Variants in EFNA5 observed in about 807,000 individuals in gnomAD.
EFNA5 encodes ephrin-A5.
In EFNA5, 5 loss-of-function variants were observed where a neutral mutation model predicts 22.9. The ratio of observed to expected loss-of-function variants is 0.22; its 90% CI spans 0.11 to 0.46. EFNA5 has a LOEUF of 0.46. Ranked by LOEUF, EFNA5 falls within the 20% of genes least tolerant of loss-of-function variation. EFNA5 has a pLI of 0.99. For synonymous variants in EFNA5, 113 were observed against 112.2 expected, an observed-to-expected ratio of 1.01 and a Z score of -0.04; for missense variants, 237 against 293.3, an observed-to-expected ratio of 0.81 and a Z score of 1.40.
At chr5:107,659,807 T>A (rs1750908561) in intron 1 of EFNA5, among the ~76,000 whole-genome samples, 1 of 152,092 alleles carries the variant, frequency 6.6e-6, no homozygotes, top group Non-Finnish European at 1.5e-5. Context: ...ATATTGCTGG[T>A]TCTCTCAGTT....
At chr5:107,432,041 G>A (rs1192430839) in intron 1 of EFNA5, among the ~76,000 whole-genome samples, 2 of 152,152 alleles carry the variant, frequency 1.3e-5, no homozygotes, top group African/African-American at 4.8e-5. Context: ...CCTCTTAAGA[G>A]TTGGGTTACC....
At chr5:107,658,304 C>G (rs1440019136) in intron 1 of EFNA5, among the ~76,000 whole-genome samples, 1 of 152,080 alleles carries the variant, frequency 6.6e-6, no homozygotes, top group Non-Finnish European at 1.5e-5. Context: ...GGAGGGTTTG[C>G]TTAATATCTT....
At chr5:107,669,977 A>G (rs1395733073) in intron 1 of EFNA5, among the ~76,000 whole-genome samples, 2 of 146,882 alleles carry the variant, frequency 1.4e-5, no homozygotes, top group Non-Finnish European at 3.0e-5. Context: ...CACTTCCCCC[A>G]GCCCGTGCGC....
intron 2 of EFNA5, among the ~76,000 whole-genome samples, chr5:107,412,919 G>A (rs1748407693): frequency 6.6e-6 from 1 of 152,164 alleles, no homozygotes; most frequent in Non-Finnish European, 1.5e-5. Context: ...CAAACTAGTT[G>A]ATGATAGAAA....
chr5:107,645,470 C>A (rs1217996600), intron 1 of EFNA5, among the ~76,000 whole-genome samples: 1 of 152,156 alleles, frequency 6.6e-6, no homozygotes, highest in Non-Finnish European at 1.5e-5. Context: ...TCTAGCAAAT[C>A]TTGGTATGTA....
intron 1 of EFNA5, among the ~76,000 whole-genome samples, chr5:107,440,671 G>A (rs1014765306): frequency 1.1e-4 from 16 of 152,154 alleles, no homozygotes; most frequent in African/African-American, 3.4e-4. Flanking sequence ...GTTTCACGAC[G>A]TACACATTAA....
intron 1 of EFNA5, among the ~76,000 whole-genome samples, chr5:107,519,009 G>A (rs887015781): frequency 6.6e-6 from 1 of 152,108 alleles, no homozygotes; most frequent in Non-Finnish European, 1.5e-5. Flanking sequence ...TGAGATGTGT[G>A]GTTACAGAGA....
At chr5:107,605,605 C>T (rs1749696397) in intron 1 of EFNA5, among the ~76,000 whole-genome samples, 1 of 150,998 alleles carries the variant, frequency 6.6e-6, no homozygotes, top group Non-Finnish European at 1.5e-5. Context: ...AAACTCTCAA[C>T]CCAAAATTTC....
intron 1 of EFNA5, among the ~76,000 whole-genome samples, chr5:107,612,452 A>G (rs1025677208): frequency 2.0e-5 from 3 of 152,168 alleles, no homozygotes; most frequent in Non-Finnish European, 4.4e-5. Context: ...CAATAGCCCA[A>G]GCAAGCAAAA....
At chr5:107,588,119 T>C (rs17160225) in intron 1 of EFNA5, among the ~76,000 whole-genome samples, 2,179 of 152,292 alleles carry the variant, frequency 0.014, 49 homozygotes, top group African/African-American at 0.051. Context: ...TACAAAAATA[T>C]GGGTTGGCAA....
chr5:107,561,496 G>C (rs989692529), intron 1 of EFNA5, among the ~76,000 whole-genome samples: 2 of 152,096 alleles, frequency 1.3e-5, no homozygotes, highest in Non-Finnish European at 2.9e-5. Flanking sequence ...AGCCTCCTGA[G>C]TAGCTGGGAT....
At chr5:107,391,733 T>C (rs1747800146) in intron 2 of EFNA5, among the ~76,000 whole-genome samples, 1 of 152,192 alleles carries the variant, frequency 6.6e-6, no homozygotes, top group Non-Finnish European at 1.5e-5. Context: ...TCCCATTCCA[T>C]TATCTTAATA....
At chr5:107,541,320 A>G (rs697623) in intron 1 of EFNA5, among the ~76,000 whole-genome samples, 3,269 of 152,280 alleles carry the variant, frequency 0.021, 57 homozygotes, top group Middle Eastern at 0.041. Flanking sequence ...TTAATTTATC[A>G]GAATGCCAAT....
intron 1 of EFNA5, among the ~76,000 whole-genome samples, chr5:107,516,448 T>C (rs189783808): frequency 2.4e-4 from 37 of 152,308 alleles, no homozygotes; most frequent in African/African-American, 8.9e-4. Flanking sequence ...CTTGTGTCTA[T>C]GTAGTGCCCA....
intron 1 of EFNA5, among the ~76,000 whole-genome samples, chr5:107,623,607 G>C (rs1399993744): frequency 2.0e-5 from 3 of 151,860 alleles, no homozygotes; most frequent in African/African-American, 4.8e-5. Context: ...GCATGAATAG[G>C]TGGGCAGGCT....
intron 2 of EFNA5, among the ~76,000 whole-genome samples, chr5:107,411,590 C>T (rs1192658900): frequency 6.6e-6 from 1 of 152,192 alleles, no homozygotes; most frequent in East Asian, 1.9e-4. Context: ...TGGTTCCTGT[C>T]CATCCTGAGG....
chr5:107,441,251 T>A (rs889046890), intron 1 of EFNA5, among the ~76,000 whole-genome samples: 3 of 152,092 alleles, frequency 2.0e-5, no homozygotes, highest in African/African-American at 7.2e-5. Context: ...GTTACTATGG[T>A]TCTATAAACG....
intron 1 of EFNA5, among the ~76,000 whole-genome samples, chr5:107,431,224 A>T (rs1328353616): frequency 3.3e-5 from 5 of 152,230 alleles, no homozygotes; most frequent in Non-Finnish European, 7.3e-5. Context: ...ATATAAAAAC[A>T]ATGACAAACT....
chr5:107,552,321 A>G lies in EFNA5; in HGVS notation c.125+118168T>C, dbSNP rs376113772. Among the ~76,000 whole-genome samples, 29 of 152,334 alleles carry G rather than the reference A, an allele frequency of 1.9e-4. 1 individual carries two copies. The South Asian group carries it at 6.0e-3, about 32-fold the overall frequency. ...AAGAATGATAATAATAATAACTGCT[A>G]ATATTAACTGAGGGCTGATTATATG... On this transcript the variant is annotated intron_variant, in intron 1 of 4. Transcript: ENST00000333274.
Sources: gnomAD v4.1 joint callset for allele counts (sites outside exome capture counted in the v4.1 genomes callset) on GRCh38, gnomAD v4.1.1 for gene constraint, MANE v1.5 for transcripts, NCBI Gene and HGNC (gene_info 2026-07-23, HGNC 2026-07-21) for gene names.